The following SSU72 variants were observed in gnomAD, a reference collection of about 807,000 sequenced individuals.
The protein encoded by SSU72 is SSU72 homolog, RNA polymerase II CTD phosphatase, also known as RNA polymerase II subunit A C-terminal domain phosphatase SSU72.
A neutral mutation model predicts 22.7 loss-of-function variants in SSU72; 12 were observed. The observed-to-expected ratio is 0.53, with a 90% CI of 0.34 to 0.86. SSU72 has a LOEUF of 0.86. SSU72 is among the 40% of genes least tolerant of loss of function. The pLI, the probability that SSU72 is intolerant of heterozygous loss-of-function variation, is 0.02. For synonymous variants in SSU72, 116 were observed against 98.3 expected (o/e 1.18, Z -1.06); for missense variants, 151 against 249.8 (o/e 0.60, Z 2.67).
At chr1:1,560,304 C>G (rs1642572311) in intron 2 of SSU72, among the ~76,000 whole-genome samples, 1 of 152,126 alleles carries the variant, frequency 6.6e-6, no homozygotes, top group South Asian at 2.1e-4. Flanking sequence ...TGCCACCACA[C>G]CCACCACATC....
Position 1,542,167 on chromosome 1 carries a change from T to C in SSU72, c.484A>G (p.Ile162Val), listed in dbSNP as rs1642329227. The C allele has an allele frequency of 1.3e-6, 2 of 1,582,062 alleles. No homozygotes were observed. Among genetic ancestry groups the C allele is most frequent in the African/African-American group, 1.3e-5 (1 of 74,562 alleles). Reference protein sequence around the residue: ...AFLICELCQCIQHTEDMENEI... With the variant: ...AFLICELCQCVQHTEDMENEI... ...TTCTCCATGTCTTCCGTGTGCTGGA[T>C]CTGCAAGGACAGGACCGTGGTGAGG... The change falls in exon 5 of 5, where the codon ATC becomes GTC. Residue 162 changes from isoleucine (I) to valine (V), a missense_variant and splice_region_variant. Physicochemically the swap from Ile to Val is conservative, Grantham distance 29 (BLOSUM62 3). Coordinates refer to ENST00000291386, the MANE Select transcript of SSU72 (RefSeq NM_014188.3). The surrounding 1 kb of genome is among the most constrained non-coding windows in gnomAD (Gnocchi z 4.4).
chr1:1,549,831 G>A (rs961695300), intron 2 of SSU72, among the ~76,000 whole-genome samples: 10 of 151,796 alleles, frequency 6.6e-5, no homozygotes, highest in African/African-American at 1.2e-4. Context: ...AAAATTAGCC[G>A]GGCATGGTGG....
chr1:1,549,973 C>CAA (rs536331143), intron 2 of SSU72, among the ~76,000 whole-genome samples: 23 of 93,216 alleles, frequency 2.5e-4, no homozygotes, highest in East Asian at 1.1e-3. Flanking sequence ...GACTCTGTCT[C>CAA]AAAAAAAAAA....
At chr1:1,571,983 G>A (rs1436723929) in intron 1 of SSU72, among the ~76,000 whole-genome samples, 3 of 151,108 alleles carry the variant, frequency 2.0e-5, no homozygotes, top group African/African-American at 7.3e-5. Context: ...TTTTTGTAGA[G>A]ACGGGGTTTC....
chr1:1,553,261 GCC>G (rs1642475421), intron 2 of SSU72, among the ~76,000 whole-genome samples: 1 of 151,906 alleles, frequency 6.6e-6, no homozygotes, highest in East Asian at 1.9e-4. Context: ...GCCCCTCTGT[GCC>G]CCCTCAGCAG....
Position 1,573,453 on chromosome 1 carries a change from A to G in SSU72, c.80+1025T>C, listed in dbSNP as rs865953020. On this transcript the variant is annotated intron_variant, in intron 1 of 4. Coordinates refer to ENST00000291386, the MANE Select transcript of SSU72 (RefSeq NM_014188.3). Reference sequence around the variant, plus strand: ...TCAAAAAAAAAAAAAAAAAAAAAAAAAAAGAAAGAAAAGAATAAAGAGAAA... The same window carrying G: ...TCAAAAAAAAAAAAAAAAAAAAAAAGAAAGAAAGAAAAGAATAAAGAGAAA... Among the ~76,000 whole-genome samples the G allele has an allele frequency of 5.5e-4, 83 of 149,858 alleles. No individual in the cohort carries two copies. The Middle Eastern group carries it at 0.01, about 19-fold the overall frequency.
At position 1,574,388 on chromosome 1, in the gene SSU72, G is replaced by A. The variant is rs1322940210; in HGVS notation, c.80+90C>T. 2.8e-6 allele frequency: 4 copies of A among 1,406,282 alleles called. No homozygotes were observed. In the East Asian group the frequency reaches 8.6e-5, roughly 30 times the overall value. 87.1% of individuals were successfully genotyped at this position (1,406,282 alleles called of 1,614,324 possible). ...CGCGGCCCGGCCCGGCTTCCTCTCA[G>A]GGGTCCTGGCGCGGGCCAGGGGGAA... On this transcript the variant is annotated intron_variant, in intron 1 of 4. Coordinates refer to ENST00000291386, the MANE Select transcript of SSU72 (RefSeq NM_014188.3).
chr1:1,554,433 T>C lies in SSU72; in HGVS notation c.225-9431A>G, dbSNP rs913135441. Reference sequence around the variant, plus strand: ...GCCCTCGCTGACCACCCACACCCATTTGATGTGGTTGCTCTCAGGATAAAC... The same window carrying C: ...GCCCTCGCTGACCACCCACACCCATCTGATGTGGTTGCTCTCAGGATAAAC... On this transcript the variant is annotated intron_variant, in intron 2 of 4. Transcript: ENST00000291386. This position sits in a 1 kb window ranked among gnomAD's most constrained non-coding sequence, Gnocchi z 4.1. 3.9e-5 allele frequency among the ~76,000 whole-genome samples: 6 copies of C among 152,132 alleles called. No homozygotes were observed. The highest frequency in any genetic ancestry group is 1.4e-4 in the African/African-American group (6 of 41,422).
rs891197472 is a variant in SSU72 at position 1,574,458 on chromosome 1, A to C, written c.80+20T>G. The C allele has an allele frequency of 8.8e-6, 14 of 1,587,160 alleles. No homozygotes were observed. The highest frequency in any genetic ancestry group is 1.2e-5 in the Non-Finnish European group (14 of 1,169,436). ...GGTCGCCGGAGCAGAGCGCGCGGGG[A>C]CAGGGTGGAGCCCAACTACCTGAGG... On this transcript the variant is annotated intron_variant, in intron 1 of 4. Coordinates refer to ENST00000291386, the MANE Select transcript of SSU72 (RefSeq NM_014188.3).
At chr1:1,571,758 C>T (rs1200422601) in intron 1 of SSU72, among the ~76,000 whole-genome samples, 1 of 151,398 alleles carries the variant, frequency 6.6e-6, no homozygotes, top group African/African-American at 2.4e-5. Flanking sequence ...TTAAAGTAGC[C>T]GCTAAACCTG....
At chr1:1,567,339 C>G (rs1642674307) in intron 1 of SSU72, among the ~76,000 whole-genome samples, 1 of 152,218 alleles carries the variant, frequency 6.6e-6, no homozygotes, top group African/African-American at 2.4e-5. Flanking sequence ...TTCCGAGCTA[C>G]ACAACCCGGC....
intron 1 of SSU72, among the ~76,000 whole-genome samples, chr1:1,570,573 C>T (rs1046565765): frequency 6.6e-6 from 1 of 152,106 alleles, no homozygotes; most frequent in Non-Finnish European, 1.5e-5. Flanking sequence ...CAGGGACCCC[C>T]CCCACCCCAA....
chr1:1,559,883 G>A (rs1642566144), intron 2 of SSU72, among the ~76,000 whole-genome samples: 1 of 152,070 alleles, frequency 6.6e-6, no homozygotes, highest in South Asian at 2.1e-4. Flanking sequence ...CACCACGATG[G>A]CCGGCTAATT....
intron 2 of SSU72, 165 bp downstream of exon 2, chr1:1,564,608 T>C: frequency 6.2e-7 from 1 of 1,612,668 alleles, no homozygotes. Flanking sequence ...AACTAACCCG[T>C]GGACGATCCG....
intron 1 of SSU72, among the ~76,000 whole-genome samples, chr1:1,565,738 G>GGAACCGAGACCCAAC (rs1311755433): frequency 4.6e-5 from 7 of 152,058 alleles, no homozygotes; most frequent in South Asian, 2.1e-4. Flanking sequence ...TTGTTCCTTG[G>GGAACCGAGACCCAAC]ACTTCCTAGT....
chr1:1,563,668 A>G (rs1642623384), intron 2 of SSU72: 1 of 152,242 alleles, frequency 6.6e-6, no homozygotes, highest in Admixed American at 6.5e-5. Flanking sequence ...CCTGGCCAAC[A>G]TGGTGAAACC....
chr1:1,550,549 C>T (rs1377327869), intron 2 of SSU72, among the ~76,000 whole-genome samples: 1 of 152,234 alleles, frequency 6.6e-6, no homozygotes, highest in Non-Finnish European at 1.5e-5. Context: ...TGGGCCCTTG[C>T]CTCTCGCCAG....
chr1:1,547,647 C>G (rs893694929), intron 2 of SSU72, among the ~76,000 whole-genome samples: 2 of 152,202 alleles, frequency 1.3e-5, no homozygotes, highest in African/African-American at 2.4e-5. Flanking sequence ...GTGAGTGCCA[C>G]GAGGCAAAGG....
In SSU72 at chr1:1,564,550, C is replaced by T. The variant is rs1471398971; in HGVS notation, c.224+223G>A. The T allele has an allele frequency of 1.9e-6, 3 of 1,565,434 alleles. No homozygotes were observed. The African/African-American group carries it at 4.1e-5, about 21-fold the overall frequency. On this transcript the variant is annotated intron_variant, in intron 2 of 4. Transcript: ENST00000291386. Reference sequence around the variant, plus strand: ...CTGAACCACGTCAGGGTGAACCCCACACCGTGTCTGTGCGCCTCACCACGC... The same window carrying T: ...CTGAACCACGTCAGGGTGAACCCCATACCGTGTCTGTGCGCCTCACCACGC...
Sources: allele counts gnomAD v4.1 joint callset (sites outside exome capture counted in the v4.1 genomes callset), GRCh38; gene constraint gnomAD v4.1.1; non-coding constraint Gnocchi (gnomAD v3.1); transcripts MANE v1.5; gene names NCBI Gene and HGNC (gene_info 2026-07-23, HGNC 2026-07-21).